TMEM132B: variants seen among roughly 807,000 people sequenced by gnomAD.
TMEM132B encodes transmembrane protein 132B.
A neutral mutation model predicts 90.8 loss-of-function variants in TMEM132B; 18 were observed. The ratio of observed to expected loss-of-function variants is 0.20; its 90% CI spans 0.14 to 0.29. TMEM132B has a LOEUF of 0.29. Among genes scored for constraint, TMEM132B ranks in the 10% least tolerant of loss-of-function variants. TMEM132B has a pLI of 1.00. For synonymous variants in TMEM132B, 504 were observed against 523.3 expected (o/e 0.96, Z 0.50); for missense variants, 1,096 against 1,326.8 (o/e 0.83, Z 2.70).
At chr12:125,557,551 G>A (rs1884422121) in intron 4 of TMEM132B, among the ~76,000 whole-genome samples, 1 of 152,036 alleles carries the variant, frequency 6.6e-6, no homozygotes, top group Non-Finnish European at 1.5e-5. Context: ...TCCATATTAA[G>A]TAAAATGCCA....
intron 4 of TMEM132B, among the ~76,000 whole-genome samples, chr12:125,537,396 C>T (rs191442523): frequency 5.9e-5 from 9 of 152,324 alleles, no homozygotes; most frequent in Non-Finnish European, 1.3e-4. Context: ...CAGAAAGACT[C>T]ATTAAAGCCA....
chr12:125,226,484 T>C (rs1873684339), intron 1 of TMEM132B, among the ~76,000 whole-genome samples: 1 of 152,236 alleles, frequency 6.6e-6, no homozygotes, highest in South Asian at 2.1e-4. Flanking sequence ...CTGTCCCATT[T>C]TGTAGATGAG....
intron 3 of TMEM132B, 79 bp from the exon 4 acceptor site, chr12:125,519,360 T>G (rs1333565977): frequency 7.1e-7 from 1 of 1,401,248 alleles, no homozygotes; most frequent in Non-Finnish European, 9.7e-7. Flanking sequence ...CAAATAAGAA[T>G]GTGGCAATTT....
At chr12:125,643,995 G>T (rs1886694761) in intron 5 of TMEM132B, 81 bp from the exon 6 acceptor site, 1 of 1,287,860 alleles carries the variant, frequency 7.8e-7, no homozygotes, top group Admixed American at 1.8e-5. Flanking sequence ...AGCTGCTGCA[G>T]TTCATGAACT....
chr12:125,648,015 C>G (rs1886810436), intron 6 of TMEM132B, among the ~76,000 whole-genome samples: 4 of 149,502 alleles, frequency 2.7e-5, no homozygotes, highest in Admixed American at 2.0e-4. Flanking sequence ...AACTCGTCAT[C>G]TAGCATTAGG....
chr12:125,567,607 T>A (rs1043253667), intron 4 of TMEM132B, among the ~76,000 whole-genome samples: 1 of 152,188 alleles, frequency 6.6e-6, no homozygotes, highest in African/African-American at 2.4e-5. Flanking sequence ...CATATTTAAA[T>A]AAAGTTATGA....
intron 4 of TMEM132B, among the ~76,000 whole-genome samples, chr12:125,545,489 C>A (rs1232739653): frequency 6.6e-6 from 1 of 152,174 alleles, no homozygotes; most frequent in African/African-American, 2.4e-5. Context: ...CTGGTCATGG[C>A]ACCATGATAT....
chr12:125,424,051 G>A (rs1423333680), intron 3 of TMEM132B, among the ~76,000 whole-genome samples: 1 of 152,070 alleles, frequency 6.6e-6, no homozygotes, highest in East Asian at 1.9e-4. Context: ...AATTTTTAAA[G>A]TATAATATTC....
At chr12:125,542,757 G>A (rs2136733146) in intron 4 of TMEM132B, among the ~76,000 whole-genome samples, 1 of 152,342 alleles carries the variant, frequency 6.6e-6, no homozygotes, top group South Asian at 2.1e-4. Context: ...TTGGGTTGCT[G>A]CCATGTTATA....
intron 3 of TMEM132B, among the ~76,000 whole-genome samples, chr12:125,493,900 G>C (rs1224344404): frequency 2.8e-5 from 4 of 140,620 alleles, no homozygotes; most frequent in Non-Finnish European, 6.2e-5. Context: ...CCTGGAAATG[G>C]CCATGTCCCT....
chr12:125,431,786 A>G (rs1385904211), intron 3 of TMEM132B, among the ~76,000 whole-genome samples: 1 of 152,146 alleles, frequency 6.6e-6, no homozygotes, highest in Non-Finnish European at 1.5e-5. Context: ...GAGGTGGGAC[A>G]AGTGGGTGGT....
chr12:125,428,863 T>C (rs1335420764), intron 3 of TMEM132B, among the ~76,000 whole-genome samples: 4 of 152,194 alleles, frequency 2.6e-5, no homozygotes, highest in Admixed American at 1.3e-4. Flanking sequence ...CATGAGCAGT[T>C]TGCAGCCTGT....
At chr12:125,423,190 A>G (rs568602865) in intron 3 of TMEM132B, among the ~76,000 whole-genome samples, 3 of 152,234 alleles carry the variant, frequency 2.0e-5, no homozygotes, top group Non-Finnish European at 4.4e-5. Flanking sequence ...TTTAAGCCCC[A>G]GGAGAAGATA....
chr12:125,572,402 C>T (rs1227506882), intron 4 of TMEM132B, among the ~76,000 whole-genome samples: 1 of 152,240 alleles, frequency 6.6e-6, no homozygotes, highest in Non-Finnish European at 1.5e-5. Flanking sequence ...CCTCTGCCTT[C>T]TGCAATCCTC....
At chr12:125,620,448 G>A (rs1477935137) in intron 5 of TMEM132B, among the ~76,000 whole-genome samples, 2 of 152,226 alleles carry the variant, frequency 1.3e-5, no homozygotes, top group Admixed American at 1.3e-4. Context: ...TTAATGGAAG[G>A]ATGGAGAGAT....
rs114034349 is a variant in TMEM132B, at chr12:125,574,562, G to A, written c.1294-9289G>A. 2.2e-3 allele frequency among the ~76,000 whole-genome samples: 342 copies of A among 152,212 alleles called. 2 individuals carry two copies. Among genetic ancestry groups the A allele is most frequent in the African/African-American group, 8.0e-3 (332 of 41,554 alleles). On this transcript the variant is annotated intron_variant, in intron 4 of 8. Transcript: ENST00000682704. ...TAGAAGCTAACAGAACTATTGTCAC[G>A]TAAGGAATCGTGACCATTTGAGAAA...
At chr12:125,640,173 C>T (rs544131360) in intron 5 of TMEM132B, among the ~76,000 whole-genome samples, 6 of 152,202 alleles carry the variant, frequency 3.9e-5, no homozygotes, top group Non-Finnish European at 8.8e-5. Flanking sequence ...CAGTAGCCTT[C>T]TCACAGCTCA....
At chr12:125,465,980 A>G (rs1881553286) in intron 3 of TMEM132B, among the ~76,000 whole-genome samples, 1 of 152,144 alleles carries the variant, frequency 6.6e-6, no homozygotes, top group South Asian at 2.1e-4. Flanking sequence ...TGCTTCCTGT[A>G]GGGCATGCAG....
chr12:125,304,333 C>A (rs1050963321), intron 1 of TMEM132B, among the ~76,000 whole-genome samples: 1 of 152,012 alleles, frequency 6.6e-6, no homozygotes, highest in South Asian at 2.1e-4. Context: ...GTTTGGGGAC[C>A]CCTGCTTTAA....
Sources: allele counts gnomAD v4.1 joint callset (sites outside exome capture counted in the v4.1 genomes callset), GRCh38; gene constraint gnomAD v4.1.1; transcripts MANE v1.5; gene names NCBI Gene and HGNC (gene_info 2026-07-23, HGNC 2026-07-21).